FBXW8: variants seen among roughly 807,000 people sequenced by gnomAD.
FBXW8 encodes F-box and WD repeat domain containing 8, also known as F-box/WD repeat-containing protein 8.
FBXW8 carries 57 observed loss-of-function variants against 65.3 expected under a neutral mutation model. The ratio of observed to expected loss-of-function variants is 0.87; its 90% CI spans 0.71 to 1.09. FBXW8 has a LOEUF of 1.09. Among genes scored for constraint, FBXW8 ranks in the 50% least tolerant of loss-of-function variants. The pLI, the probability that FBXW8 is intolerant of heterozygous loss-of-function variation, is 0.00. For missense variants in FBXW8, 777 were observed against 814.8 expected (o/e 0.95, Z 0.57); for synonymous variants, 308 against 330.2 (o/e 0.93, Z 0.73).
At chr12:116,987,027 A>G (rs1369715803) in intron 6 of FBXW8, 1 of 152,268 alleles carries the variant, frequency 6.6e-6, no homozygotes, top group Non-Finnish European at 1.5e-5. Context: ...TGCTCTGAGT[A>G]TCCTTGGAAA....
chr12:116,972,372 A>C (rs550952712), intron 5 of FBXW8, among the ~76,000 whole-genome samples: 1 of 152,210 alleles, frequency 6.6e-6, no homozygotes, highest in Non-Finnish European at 1.5e-5. Flanking sequence ...TTTCCCTTTC[A>C]CTATGTGCAG....
intron 2 of FBXW8, among the ~76,000 whole-genome samples, chr12:116,934,069 G>A (rs1173598581): frequency 6.6e-6 from 1 of 152,148 alleles, no homozygotes; most frequent in Non-Finnish European, 1.5e-5. Context: ...ATTGGTAACT[G>A]ACTAACAGTA....
At chr12:116,999,945 G>T (rs983272243) in intron 7 of FBXW8, among the ~76,000 whole-genome samples, 4 of 150,996 alleles carry the variant, frequency 2.6e-5, no homozygotes, top group Non-Finnish European at 4.4e-5. Context: ...CAGAGCTCTG[G>T]CCCTGAGCTT....
At position 117,028,205 on chromosome 12, in the gene FBXW8, T is replaced by C. The variant is rs1291440382; in HGVS notation, c.*33T>C. ...CCTCAGTTGGGAGCAAGGAGAAAAA[T>C]GGGAAGAACCAGTTTTATCCATCTT... On this transcript the variant is annotated 3_prime_UTR_variant, in exon 11 of 11. Transcript: ENST00000652555. This position sits in a 1 kb window ranked among gnomAD's most constrained non-coding sequence, Gnocchi z 4.1. 2 of 1,610,208 alleles carry C rather than the reference T, an allele frequency of 1.2e-6. No homozygotes were observed. The highest frequency in any genetic ancestry group is 1.7e-5 in the Admixed American group (1 of 59,938).
chr12:116,932,130 T>G (rs1418148461), intron 2 of FBXW8, among the ~76,000 whole-genome samples: 2 of 152,202 alleles, frequency 1.3e-5, no homozygotes, highest in Non-Finnish European at 2.9e-5. Flanking sequence ...GTTAATGCAT[T>G]GTATTACATT....
intron 8 of FBXW8, 116 bp downstream of exon 8, chr12:117,010,566 C>G: frequency 3.6e-6 from 5 of 1,374,662 alleles, no homozygotes; most frequent in Non-Finnish European, 5.1e-6. Context: ...CACCTGAGTT[C>G]AGCCCCGATC....
chr12:116,922,971 G>A (rs1881021367), intron 1 of FBXW8, among the ~76,000 whole-genome samples: 2 of 152,176 alleles, frequency 1.3e-5, no homozygotes, highest in South Asian at 4.1e-4. Context: ...CCAGCACTCT[G>A]AGAGGCCAAG....
intron 4 of FBXW8, among the ~76,000 whole-genome samples, chr12:116,957,501 G>A (rs747086733): frequency 2.0e-5 from 3 of 152,114 alleles, no homozygotes; most frequent in African/African-American, 4.8e-5. Flanking sequence ...TCCAACACTC[G>A]CTTAGTTTTA....
At position 116,911,308 on chromosome 12, in the gene FBXW8, G is replaced by T; in HGVS notation, c.271G>T (p.Gly91Cys). ...SRSRSPLARE[G>C]AGGGEQLVDQ... is the part of the protein sequence containing the mutation. ...CTCACGTTCTCCTCTGGCCCGCGAG[G>T]GCGCCGGGGGCGGGGAGCAGCTGGT... The change falls in exon 1 of 11, where the codon GGC (glycine) becomes TGC (cysteine). Residue 91 changes from glycine to cysteine, a missense_variant. Gly to Cys is a radical substitution (Grantham distance 159). Transcript: ENST00000652555. 1 of 1,279,866 alleles carries T rather than the reference G, an allele frequency of 7.8e-7. No homozygotes were observed. The highest frequency in any genetic ancestry group is 2.6e-5 in the South Asian group (1 of 37,880). The allele number at this position is 1,279,866 out of a possible 1,614,324, so 79.3% of individuals were successfully genotyped here.
chr12:117,023,348 T>G (rs2135725038), intron 8 of FBXW8, among the ~76,000 whole-genome samples: 1 of 152,316 alleles, frequency 6.6e-6, no homozygotes, highest in African/African-American at 2.4e-5. Context: ...TCGACTTGCA[T>G]CACAGGGTCT....
chr12:116,956,116 T>TA (rs147968895), intron 4 of FBXW8, among the ~76,000 whole-genome samples: 8 of 152,034 alleles, frequency 5.3e-5, no homozygotes, highest in East Asian at 1.9e-4. Flanking sequence ...CTTTTGGTTT[T>TA]AAAAAAAACA....
Position 117,019,265 on chromosome 12 carries a change from T to G in FBXW8, c.1368-4882T>G, listed in dbSNP as rs1477341428. On this transcript the variant is annotated intron_variant, in intron 8 of 10. Coordinates refer to ENST00000652555, the MANE Select transcript of FBXW8 (RefSeq NM_153348.3). ...CATCTGTGTCCACTGGATGGACTTG[T>G]TATGGATCTCAGAATTTTGGATCTA... Among the ~76,000 whole-genome samples, 5 of 152,208 alleles carry G rather than the reference T, an allele frequency of 3.3e-5. No homozygotes were observed. In the East Asian group the frequency reaches 9.6e-4, roughly 29 times the overall value.
At chr12:116,935,012 C>G (rs1236035135) in intron 2 of FBXW8, among the ~76,000 whole-genome samples, 1 of 152,146 alleles carries the variant, frequency 6.6e-6, no homozygotes, top group African/African-American at 2.4e-5. Flanking sequence ...TTCTCCAACT[C>G]CATAATTTTG....
intron 5 of FBXW8, among the ~76,000 whole-genome samples, chr12:116,981,862 C>T (rs1885331312): frequency 3.3e-5 from 5 of 152,134 alleles, no homozygotes; most frequent in African/African-American, 1.2e-4. Flanking sequence ...GATACGCCCA[C>T]CGCAGCCTCC....
At chr12:116,920,028 C>T (rs973225487) in intron 1 of FBXW8, among the ~76,000 whole-genome samples, 3 of 152,346 alleles carry the variant, frequency 2.0e-5, no homozygotes, top group Admixed American at 1.3e-4. Context: ...AATGTGTACT[C>T]ATGAATTGAC....
In FBXW8 at chr12:117,012,557, C is replaced by T. The variant is rs948741268; in HGVS notation, c.1367+2107C>T. On this transcript the variant is annotated intron_variant, in intron 8 of 10. Coordinates refer to ENST00000652555, the MANE Select transcript of FBXW8 (RefSeq NM_153348.3). ...CATCTAGAAAAAAGGAATGAGGAAG[C>T]TAGACTAAGTGTGGTAGAGGGAAGT... Among the ~76,000 whole-genome samples the T allele has an allele frequency of 5.9e-5, 9 of 152,254 alleles. No individual in the cohort carries two copies. The East Asian group carries it at 1.5e-3, about 26-fold the overall frequency.
chr12:116,963,339 G>T (rs1884104706), intron 4 of FBXW8, among the ~76,000 whole-genome samples: 1 of 152,172 alleles, frequency 6.6e-6, no homozygotes, highest in East Asian at 1.9e-4. Context: ...AGCTGTGGTG[G>T]CTCACACCTG....
intron 4 of FBXW8, among the ~76,000 whole-genome samples, chr12:116,955,457 G>A (rs781322467): frequency 5.6e-4 from 85 of 152,150 alleles, no homozygotes; most frequent in Non-Finnish European, 7.2e-4. Flanking sequence ...AAAGTTCAGC[G>A]CCTGTCTGCA....
chr12:116,972,233 GC>G (rs1884685022), intron 5 of FBXW8, among the ~76,000 whole-genome samples: 1 of 152,188 alleles, frequency 6.6e-6, no homozygotes, highest in African/African-American at 2.4e-5. Context: ...GCACAAGGTA[GC>G]TTTGGGGAGA....
Sources: gnomAD v4.1 joint callset for allele counts (sites outside exome capture counted in the v4.1 genomes callset) on GRCh38, gnomAD v4.1.1 for gene constraint, Gnocchi (gnomAD v3.1) non-coding constraint, MANE v1.5 for transcripts, NCBI Gene and HGNC (gene_info 2026-07-23, HGNC 2026-07-21) for gene names.